Variants in HIVEP2 observed in about 807,000 individuals in gnomAD.
HIVEP2 encodes the protein transcription factor HIVEP2.
In HIVEP2, 14 loss-of-function variants were observed where a neutral mutation model predicts 180.7. The ratio of observed to expected loss-of-function variants is 0.08; its 90% confidence interval spans 0.05 to 0.12. The LOEUF (loss-of-function observed/expected upper bound fraction) is 0.12. Among genes scored for constraint, HIVEP2 ranks in the 10% least tolerant of loss-of-function variants. The pLI is 1.00. For synonymous variants in HIVEP2, 1,184 were observed against 1,136.4 expected (o/e 1.04, Z -0.84); for missense variants, 2,579 against 3,008.5 (o/e 0.86, Z 3.34).
At chr6:142,901,744 A>T (rs1777137840) in intron 1 of HIVEP2, among the ~76,000 whole-genome samples, 1 of 152,214 alleles carries the variant, frequency 6.6e-6, no homozygotes, top group African/African-American at 2.4e-5. Context: ...CAATCTGCCG[A>T]CAAGAAGTTT....
chr6:142,897,392 T>C (rs1342065774), intron 1 of HIVEP2, among the ~76,000 whole-genome samples: 1 of 152,202 alleles, frequency 6.6e-6, no homozygotes, highest in Non-Finnish European at 1.5e-5. Context: ...TAGGGCTGCA[T>C]CTGCAGAGAT....
chr6:142,839,629 G>A (rs1775313606), intron 1 of HIVEP2, among the ~76,000 whole-genome samples: 1 of 152,098 alleles, frequency 6.6e-6, no homozygotes, highest in South Asian at 2.1e-4. Flanking sequence ...ACCGGGAGTA[G>A]TACACAGGAA....
chr6:142,901,803 G>A (rs1027421141), intron 1 of HIVEP2, among the ~76,000 whole-genome samples: 5 of 152,094 alleles, frequency 3.3e-5, no homozygotes, highest in African/African-American at 1.2e-4. Context: ...ACTTGACTAC[G>A]AAAATGACCT....
rs576573923 is a variant in HIVEP2 at position 142,752,167 on chromosome 6, T to C, written c.*940A>G. 3.3e-4 allele frequency: 51 copies of C among 152,810 alleles called. No individual in the cohort carries two copies. Among genetic ancestry groups the C allele is most frequent in the African/African-American group, 1.2e-3 (49 of 41,584 alleles). The allele number at this position is 152,810 out of a possible 1,614,324, so 9.5% of individuals were successfully genotyped here. ...CAACCTAGTGTCCAACTGAGTTACA[T>C]AAAATTGTACCAGTGATGCACTTGT... On this transcript the variant is annotated 3_prime_UTR_variant, in exon 10 of 10. Transcript: ENST00000367603.
chr6:142,889,041 C>G (rs1266281918), intron 1 of HIVEP2, among the ~76,000 whole-genome samples: 1 of 152,120 alleles, frequency 6.6e-6, no homozygotes, highest in Non-Finnish European at 1.5e-5. Context: ...TGTGTTCGAA[C>G]TTTCTATTTG....
intron 2 of HIVEP2, among the ~76,000 whole-genome samples, chr6:142,818,463 G>A (rs941422262): frequency 1.3e-5 from 2 of 151,866 alleles, no homozygotes; most frequent in African/African-American, 4.8e-5. Flanking sequence ...GATCACTTGA[G>A]GTCAGGAGTT....
At chr6:142,830,153 A>G (rs1200776058) in intron 2 of HIVEP2, among the ~76,000 whole-genome samples, 2 of 152,206 alleles carry the variant, frequency 1.3e-5, no homozygotes, top group East Asian at 3.8e-4. Flanking sequence ...AATACCACCA[A>G]TTGAAAAAGT....
chr6:142,891,652 A>T (rs1776864445), intron 1 of HIVEP2, among the ~76,000 whole-genome samples: 1 of 152,158 alleles, frequency 6.6e-6, no homozygotes, highest in South Asian at 2.1e-4. Flanking sequence ...AACTTCAAAT[A>T]AGTCACCCAA....
intron 1 of HIVEP2, among the ~76,000 whole-genome samples, chr6:142,890,246 T>C (rs940342905): frequency 6.6e-6 from 1 of 152,232 alleles, no homozygotes; most frequent in East Asian, 1.9e-4. Context: ...TTAAGAAATT[T>C]ATCCATGAAA....
intron 2 of HIVEP2, among the ~76,000 whole-genome samples, chr6:142,799,032 C>A (rs1047257438): frequency 7.2e-5 from 11 of 152,076 alleles, no homozygotes; most frequent in Non-Finnish European, 5.9e-5. Flanking sequence ...ATAGGGGTAA[C>A]AAGTGACCAT....
Position 142,868,301 on chromosome 6 carries a change from A to C in HIVEP2, c.-640-31254T>G, listed in dbSNP as rs576422936. Among the ~76,000 whole-genome samples, 26 of 152,304 alleles carry C rather than the reference A, an allele frequency of 1.7e-4. No individual in the cohort carries two copies. In the East Asian group the frequency reaches 2.5e-3, roughly 15 times the overall value. ...CAAATACTTCCTTTTACCGTACAGTAAATTCCTTCCTCTGATTGGCTAAAG... is the reference window on the plus strand; with the variant it reads ...CAAATACTTCCTTTTACCGTACAGTCAATTCCTTCCTCTGATTGGCTAAAG... On this transcript the variant is annotated intron_variant, in intron 1 of 9. Transcript: ENST00000367603.
chr6:142,929,492 G>A (rs942608469), intron 1 of HIVEP2, among the ~76,000 whole-genome samples: 15 of 152,086 alleles, frequency 9.9e-5, no homozygotes, highest in Non-Finnish European at 1.8e-4. Flanking sequence ...CAGGTTCCTG[G>A]TGCTATTTTC....
intron 2 of HIVEP2, among the ~76,000 whole-genome samples, chr6:142,816,595 C>T (rs965513331): frequency 1.7e-4 from 26 of 152,188 alleles, no homozygotes; most frequent in African/African-American, 4.6e-4. Context: ...TGGCATTTCT[C>T]GTTCTTCACT....
chr6:142,774,408 G>C lies in HIVEP2; in HGVS notation c.331C>G (p.His111Asp), dbSNP rs1013978135. 1.2e-5 allele frequency: 20 copies of C among 1,614,204 alleles called. No homozygotes were observed. The highest frequency in any genetic ancestry group is 1.6e-5 in the Non-Finnish European group (19 of 1,180,038). ...PQHSLPQGVM[H>D]STKPHQSLEG... Reference sequence around the variant, plus strand: ...AGGCTCTGATGTGGCTTGGTGCTGTGCATGACCCCCTGTGGCAATGAGTGC... The same window carrying C: ...AGGCTCTGATGTGGCTTGGTGCTGTCCATGACCCCCTGTGGCAATGAGTGC... The change falls in exon 5 of 10, where the codon CAC becomes GAC. Residue 111 changes from histidine (H) to aspartate (D), a missense_variant. Coordinates refer to ENST00000367603, the MANE Select transcript of HIVEP2 (RefSeq NM_006734.4). This position sits in a 1 kb window ranked among gnomAD's most constrained non-coding sequence, Gnocchi z 5.1.
At chr6:142,807,646 T>C (rs1323497956) in intron 2 of HIVEP2, among the ~76,000 whole-genome samples, 1 of 152,160 alleles carries the variant, frequency 6.6e-6, no homozygotes, top group Non-Finnish European at 1.5e-5. Context: ...TGTGTACATG[T>C]AAATTAAATT....
chr6:142,759,674 C>T, intron 9 of HIVEP2, 98 bp downstream of exon 9: 1 of 933,262 alleles, frequency 1.1e-6, no homozygotes, highest in Non-Finnish European at 1.7e-6. Flanking sequence ...CCACCCATGA[C>T]AGATACCCAT....
At chr6:142,812,436 G>A (rs1776722455) in intron 2 of HIVEP2, among the ~76,000 whole-genome samples, 1 of 152,078 alleles carries the variant, frequency 6.6e-6, no homozygotes, top group South Asian at 2.1e-4. Context: ...ATGCTGCCCT[G>A]GTCCTACCTA....
intron 1 of HIVEP2, among the ~76,000 whole-genome samples, chr6:142,873,412 C>T (rs545703423): frequency 3.9e-5 from 6 of 152,252 alleles, no homozygotes; most frequent in Admixed American, 2.6e-4. Context: ...ATCCAATCAC[C>T]ACCATTATTT....
At chr6:142,793,817 C>T (rs896309373) in intron 2 of HIVEP2, 2 of 151,866 alleles carry the variant, frequency 1.3e-5, no homozygotes, top group Non-Finnish European at 2.9e-5. Flanking sequence ...TAGGTGCCCA[C>T]CACCATATCT....
Sources: gnomAD v4.1 joint callset for allele counts (sites outside exome capture counted in the v4.1 genomes callset) on GRCh38, gnomAD v4.1.1 for gene constraint, Gnocchi (gnomAD v3.1) non-coding constraint, MANE v1.5 for transcripts, NCBI Gene and HGNC (gene_info 2026-07-23, HGNC 2026-07-21) for gene names.